The following TENM1 variants were observed in gnomAD, a reference collection of about 807,000 sequenced individuals.
TENM1 encodes teneurin-1.
TENM1 carries 35 observed loss-of-function variants against 174.8 expected under a neutral mutation model. The ratio of observed to expected loss-of-function variants is 0.20; its 90% CI spans 0.15 to 0.27. The LOEUF is 0.27. TENM1 is among the 10% of genes least tolerant of loss of function. TENM1 has a pLI of 1.00. For missense variants in TENM1, 1,633 were observed against 2,130.1 expected, an observed-to-expected ratio of 0.77 and a Z score of 4.59; for synonymous variants, 781 against 798.7, an observed-to-expected ratio of 0.98 and a Z score of 0.37.
chrX:125,084,432 G>T, the TENM1 span, among the ~76,000 whole-genome samples: 1 of 110,307 alleles, frequency 9.1e-6, no homozygotes, highest in Non-Finnish European at 1.9e-5. Context: ...CTGATATTCT[G>T]TCGCTTTAGT....
chrX:125,041,408 A>C, the TENM1 span, among the ~76,000 whole-genome samples: 6 of 111,266 alleles, frequency 5.4e-5, no homozygotes, highest in Middle Eastern at 9.3e-3. Flanking sequence ...CAGAACCCCT[A>C]AGCTTCCACA....
chrX:125,084,124 T>G, the TENM1 span, among the ~76,000 whole-genome samples: 2 of 111,008 alleles, frequency 1.8e-5, no homozygotes, highest in East Asian at 5.7e-4. Flanking sequence ...TCTCTTTGTT[T>G]CAGCCTTCCC....
the TENM1 span, among the ~76,000 whole-genome samples, chrX:124,987,080 C>T: frequency 4.5e-5 from 5 of 111,595 alleles, no homozygotes; most frequent in Non-Finnish European, 9.4e-5. Context: ...CTGGCGTGCT[C>T]GGAGTTTTCC....
At chrX:124,480,335 G>T (rs1224083839) in intron 22 of TENM1, among the ~76,000 whole-genome samples, 2 of 112,043 alleles carry the variant, frequency 1.8e-5, no homozygotes, top group East Asian at 5.6e-4. Flanking sequence ...AAAGACAAAG[G>T]CCTTGAAGAA....
At chrX:124,915,714 A>G (rs1244662480) in intron 1 of TENM1, among the ~76,000 whole-genome samples, 1 of 102,476 alleles carries the variant, frequency 9.8e-6, no homozygotes, top group African/African-American at 3.6e-5. Context: ...TGATGATTCC[A>G]TATCTGGAGG....
chrX:124,443,687 G>GT (rs1391059322), intron 23 of TENM1, among the ~76,000 whole-genome samples: 3 of 111,686 alleles, frequency 2.7e-5, no homozygotes, highest in Non-Finnish European at 5.6e-5. Flanking sequence ...TGAAACAGTT[G>GT]TTTTTTTAGC....
In TENM1 at chrX:124,504,094, G is replaced by C. The variant is rs929329245; in HGVS notation, c.3302-391C>G. ...CCTTTGTAGGAGAAGTGCAGGTAGGGCTGGTTTTTTACCACTATAGTGAAA... is the reference window on the plus strand; with the variant it reads ...CCTTTGTAGGAGAAGTGCAGGTAGGCCTGGTTTTTTACCACTATAGTGAAA... On this transcript the variant is annotated intron_variant, in intron 18 of 31. Transcript: ENST00000422452. Among the ~76,000 whole-genome samples the C allele has an allele frequency of 2.7e-5, 3 of 111,646 alleles. No homozygotes were observed. The Admixed American group carries it at 2.9e-4, about 11-fold the overall frequency.
At chrX:125,160,570 CAG>C in the TENM1 span, among the ~76,000 whole-genome samples, 46 of 47,537 alleles carry the variant, frequency 9.7e-4, 1 homozygote, top group African/African-American at 2.8e-3. Context: ...AAAAAAAAAA[CAG>C]AGAGAGAGAG....
chrX:124,592,156 T>G lies in TENM1; in HGVS notation c.2078-26596A>C, dbSNP rs1018125617. On this transcript the variant is annotated intron_variant, in intron 11 of 31. Coordinates refer to ENST00000422452, the Ensembl canonical transcript of TENM1. ...TCCTGGATTGCTTTAGAAGTTTCTT[T>G]GTGTTGATTTTCAACCTTGTCTTGG... 8.9e-5 allele frequency among the ~76,000 whole-genome samples: 10 copies of G among 112,335 alleles called. No homozygotes were observed. In the Admixed American group the frequency reaches 9.4e-4, roughly 11 times the overall value.
At chrX:125,087,635 T>A in the TENM1 span, among the ~76,000 whole-genome samples, 1 of 111,084 alleles carries the variant, frequency 9.0e-6, no homozygotes, top group Admixed American at 9.6e-5. Context: ...CATCCTGTTG[T>A]AACAAAAAGT....
the TENM1 span, among the ~76,000 whole-genome samples, chrX:125,168,082 G>C: frequency 2.7e-5 from 3 of 111,467 alleles, no homozygotes; most frequent in Admixed American, 2.9e-4. Flanking sequence ...AAGATATAAG[G>C]AACTCATAGC....
chrX:124,439,038 TA>T (rs1872989152), intron 23 of TENM1, among the ~76,000 whole-genome samples: 2 of 111,675 alleles, frequency 1.8e-5, no homozygotes, highest in African/African-American at 3.3e-5. Context: ...AATATCTTGA[TA>T]AAAACAGAAG....
intron 3 of TENM1, among the ~76,000 whole-genome samples, chrX:124,757,767 T>A (rs747351562): frequency 1.1e-4 from 12 of 112,453 alleles, no homozygotes; most frequent in Non-Finnish European, 2.3e-4. Context: ...AAAATGTGAA[T>A]TGAATGTTAT....
At chrX:125,193,257 G>T in the TENM1 span, among the ~76,000 whole-genome samples, 2 of 112,374 alleles carry the variant, frequency 1.8e-5, no homozygotes, top group Non-Finnish European at 3.8e-5. Context: ...CACATCTGTA[G>T]ATGTAATCAA....
intron 6 of TENM1, among the ~76,000 whole-genome samples, chrX:124,666,639 C>A (rs766672133): frequency 8.1e-5 from 9 of 111,530 alleles, no homozygotes; most frequent in African/African-American, 2.9e-4. Context: ...CTGAAAAGAC[C>A]AAACACAGAC....
At chrX:125,168,266 T>A in the TENM1 span, among the ~76,000 whole-genome samples, 5 of 112,108 alleles carry the variant, frequency 4.5e-5, no homozygotes, top group Non-Finnish European at 9.4e-5. Context: ...CAGGTCCTGG[T>A]ACATGGCTAG....
chrX:124,718,517 T>C (rs1221882513), intron 4 of TENM1, among the ~76,000 whole-genome samples: 1 of 112,393 alleles, frequency 8.9e-6, no homozygotes. Flanking sequence ...CACATAGAAA[T>C]GCAGGATATG....
At chrX:124,965,270 G>A (rs977562983), upstream of TENM1, among the ~76,000 whole-genome samples, 1 of 111,056 alleles carries the variant, frequency 9.0e-6, no homozygotes, top group African/African-American at 3.3e-5. Flanking sequence ...TAGTAGAGAC[G>A]GGATTTCACC....
At chrX:125,191,771 T>C in the TENM1 span, among the ~76,000 whole-genome samples, 1 of 111,980 alleles carries the variant, frequency 8.9e-6, no homozygotes, top group African/African-American at 3.2e-5. Flanking sequence ...ATCTATCATA[T>C]ACTTCTATTA....
Sources: allele counts gnomAD v4.1 joint callset (sites outside exome capture counted in the v4.1 genomes callset), GRCh38; gene constraint gnomAD v4.1.1; transcripts MANE v1.5; gene names NCBI Gene and HGNC (gene_info 2026-07-23, HGNC 2026-07-21).